Variants in ATF7 observed in about 807,000 individuals in gnomAD.
ATF7 encodes the protein activating transcription factor 7.
In ATF7, 10 loss-of-function variants were observed where a neutral mutation model predicts 50.4. The observed-to-expected ratio is 0.20, with a 90% confidence interval of 0.12 to 0.34. The LOEUF (loss-of-function observed/expected upper bound fraction) is 0.34, where lower values mean the gene tolerates loss of function less well. Ranked by LOEUF, ATF7 falls within the 10% of genes least tolerant of loss-of-function variation. The pLI, the probability that ATF7 is intolerant of heterozygous loss-of-function variation, is 1.00. For synonymous variants in ATF7, 201 were observed against 226.4 expected (o/e 0.89, Z 1.01); for missense variants, 465 against 613.9 (o/e 0.76, Z 2.56).
At chr12:53,539,951 T>C (rs192830674) in intron 4 of ATF7, among the ~76,000 whole-genome samples, 1 of 151,972 alleles carries the variant, frequency 6.6e-6, no homozygotes, top group Admixed American at 6.6e-5. Context: ...GTGCCTGTAG[T>C]CCTAGTTACT....
intron 1 of ATF7, among the ~76,000 whole-genome samples, chr12:53,602,333 G>C (rs913839021): frequency 6.6e-6 from 1 of 152,142 alleles, no homozygotes; most frequent in African/African-American, 2.4e-5. Context: ...TCAGGCTCGC[G>C]TTGAAATAAA....
intron 2 of ATF7, among the ~76,000 whole-genome samples, chr12:53,560,260 T>C (rs1941024035): frequency 6.6e-6 from 1 of 152,168 alleles, no homozygotes; most frequent in South Asian, 2.1e-4. Context: ...AGACAGGTAT[T>C]ATAGTAAAAA....
At chr12:53,552,113 G>T (rs1012207420) in intron 3 of ATF7, among the ~76,000 whole-genome samples, 1 of 152,196 alleles carries the variant, frequency 6.6e-6, no homozygotes, top group Non-Finnish European at 1.5e-5. Context: ...CTGACAATCT[G>T]CCTGCTGGAG....
chr12:53,548,146 C>T (rs1272706359), intron 3 of ATF7, among the ~76,000 whole-genome samples: 3 of 151,512 alleles, frequency 2.0e-5, no homozygotes, highest in Non-Finnish European at 4.4e-5. Flanking sequence ...GGATTGTAGG[C>T]GTGAGGCACT....
In ATF7 at chr12:53,515,013, AT is replaced by A. The variant is rs1592760008; in HGVS notation, c.*2123del. On this transcript the variant is annotated 3_prime_UTR_variant, in exon 12 of 12. Coordinates refer to ENST00000420353, the MANE Select transcript of ATF7 (RefSeq NM_006856.3). The stretch of plus-strand genomic sequence containing the variant: ...TCCTGAGCACAAGTTACGGCTGTGA[AT>A]TTTTAAAGGCAAAAGTGAAGTCCCT... 1 of 152,228 alleles carries A rather than the reference AT, an allele frequency of 6.6e-6. No homozygotes were observed. The highest frequency in any genetic ancestry group is 6.5e-5 in the Admixed American group (1 of 15,276). 9.4% of individuals were successfully genotyped at this position (152,228 alleles called of 1,614,324 possible).
At chr12:53,606,567 T>A (rs1037738030) in intron 1 of ATF7, among the ~76,000 whole-genome samples, 1 of 151,896 alleles carries the variant, frequency 6.6e-6, no homozygotes, top group Non-Finnish European at 1.5e-5. Context: ...TTTTTTTAAA[T>A]TTTAATATTA....
rs754161452 is a variant in ATF7 at position 53,524,733 on chromosome 12, G to A, written c.956C>T (p.Thr319Ile). 5.0e-6 allele frequency: 8 copies of A among 1,610,652 alleles called. No individual in the cohort carries two copies. Among genetic ancestry groups the A allele is most frequent in the Non-Finnish European group, 6.8e-6 (8 of 1,178,698 alleles). The part of the protein sequence containing the change: ...QVSPAQPTPS[T>I]GGRRRRTVDE... ...TACTGTGCGCCGCCGTCGCCCCCCA[G>A]TACTAGGGGTGGGCTGAGCTGGTGA... is the stretch of plus-strand genomic sequence containing the variant. Residue 319 changes from threonine (T) to isoleucine (I), a missense_variant, in exon 10 of 12, where the codon ACT (threonine) becomes ATT (isoleucine). By Grantham distance (89) the Thr-to-Ile change is moderately conservative. Transcript: ENST00000420353. The surrounding 1 kb of genome is among the most constrained non-coding windows in gnomAD (Gnocchi z 4.6).
At chr12:53,552,682 A>T (rs780102454) in intron 2 of ATF7, 45 bp from the exon 3 acceptor site, 5 of 1,488,486 alleles carry the variant, frequency 3.4e-6, no homozygotes, top group Admixed American at 1.7e-5. Context: ...AAAAACAAAA[A>T]CCCGATTCGG....
intron 1 of ATF7, among the ~76,000 whole-genome samples, chr12:53,609,573 G>C (rs1020004292): frequency 1.3e-4 from 20 of 150,662 alleles, no homozygotes; most frequent in Admixed American, 1.3e-3. Flanking sequence ...TTGAGCCCAA[G>C]AGTTCAAGGT....
Position 53,539,898 on chromosome 12 carries a change from A to G in ATF7, c.265-2346T>C, listed in dbSNP as rs1939438381. ...AGTGTGGGCAACATGGCAAAACCCC[A>G]TCTCTAAAAATAAATGCAAAAATTA... On this transcript the variant is annotated intron_variant, in intron 4 of 11. Transcript: ENST00000420353. Among the ~76,000 whole-genome samples, 3 of 151,436 alleles carry G rather than the reference A, an allele frequency of 2.0e-5. No individual in the cohort carries two copies. In the South Asian group the frequency reaches 6.3e-4, roughly 32 times the overall value.
intron 2 of ATF7, among the ~76,000 whole-genome samples, chr12:53,594,760 G>A (rs960150788): frequency 3.9e-5 from 6 of 152,024 alleles, no homozygotes; most frequent in African/African-American, 1.5e-4. Flanking sequence ...ATGGTGGTGG[G>A]CGCTTATAGT....
intron 3 of ATF7, among the ~76,000 whole-genome samples, chr12:53,545,243 T>G (rs1939826614): frequency 6.6e-6 from 1 of 152,168 alleles, no homozygotes; most frequent in Non-Finnish European, 1.5e-5. Flanking sequence ...TGGCTCTGGT[T>G]TGTGAACAAA....
intron 4 of ATF7, among the ~76,000 whole-genome samples, chr12:53,542,427 CAAAA>C (rs59513977): frequency 7.3e-6 from 1 of 136,478 alleles, no homozygotes; most frequent in African/African-American, 2.7e-5. Context: ...ACTCTTGTCT[CAAAA>C]AAAAAAAAAG....
chr12:53,531,729 G>GT lies in ATF7; in HGVS notation c.927+14dup. On this transcript the variant is annotated intron_variant, in intron 9 of 11. Transcript: ENST00000420353. ...ACGTCATAAAGATATGACATAAAGA[G>GT]TAAGAGCCACTGACCTGTGGCTGGG... 6.2e-7 allele frequency: 1 copy of GT among 1,605,444 alleles called. No homozygotes were observed. Among genetic ancestry groups the GT allele is most frequent in the South Asian group, 1.1e-5 (1 of 89,528 alleles).
intron 3 of ATF7, among the ~76,000 whole-genome samples, chr12:53,544,606 G>A (rs1015237148): frequency 1.3e-5 from 2 of 152,000 alleles, no homozygotes; most frequent in African/African-American, 4.8e-5. Context: ...AAATTAGGTG[G>A]GCATAGTGGC....
chr12:53,530,617 GTTTCT>G (rs1386690182), intron 9 of ATF7, among the ~76,000 whole-genome samples: 1 of 151,402 alleles, frequency 6.6e-6, no homozygotes, highest in Non-Finnish European at 1.5e-5. Flanking sequence ...TTGTTAGTTT[GTTTCT>G]TTTGAGACAA....
At chr12:53,613,348 T>G (rs2137896753) in intron 1 of ATF7, among the ~76,000 whole-genome samples, 1 of 152,340 alleles carries the variant, frequency 6.6e-6, no homozygotes, top group African/African-American at 2.4e-5. Context: ...TCTGAAGTTC[T>G]TCCCCCAAAT....
At chr12:53,621,499 A>G (rs535681972) in intron 1 of ATF7, among the ~76,000 whole-genome samples, 1 of 152,262 alleles carries the variant, frequency 6.6e-6, no homozygotes, top group South Asian at 2.1e-4. Context: ...AATCAACTAC[A>G]TGGCCGGCGC....
At chr12:53,588,143 C>A (rs1942801863) in intron 2 of ATF7, among the ~76,000 whole-genome samples, 1 of 152,138 alleles carries the variant, frequency 6.6e-6, no homozygotes, top group Non-Finnish European at 1.5e-5. Context: ...AGCCACTGCG[C>A]CCGGCCACTT....
Sources: allele counts gnomAD v4.1 joint callset (sites outside exome capture counted in the v4.1 genomes callset), GRCh38; gene constraint gnomAD v4.1.1; non-coding constraint Gnocchi (gnomAD v3.1); transcripts MANE v1.5; gene names NCBI Gene and HGNC (gene_info 2026-07-23, HGNC 2026-07-21).